The following CLIC5 variants were observed in gnomAD, a reference collection of about 807,000 sequenced individuals.
CLIC5 encodes chloride intracellular channel protein 5.
CLIC5 carries 20 observed loss-of-function variants against 24.7 expected under a neutral mutation model. The observed-to-expected ratio is 0.81, with a 90% CI of 0.57 to 1.18. The LOEUF is 1.18. Ranked by LOEUF, CLIC5 falls within the 50% of genes most tolerant of loss-of-function variation. The pLI is 0.00. For synonymous variants in CLIC5, 159 were observed against 135.6 expected, an observed-to-expected ratio of 1.17 and a Z score of -1.20; for missense variants, 341 against 326.1, an observed-to-expected ratio of 1.05 and a Z score of -0.35.
upstream of CLIC5, among the ~76,000 whole-genome samples, chr6:46,020,329 TG>T (rs2127449514): frequency 6.6e-6 from 1 of 152,238 alleles, no homozygotes; most frequent in South Asian, 2.1e-4. Context: ...AGAAATTCAT[TG>T]ATCAACAAGG....
At chr6:46,106,348 C>A in the CLIC5 span, among the ~76,000 whole-genome samples, 1 of 152,146 alleles carries the variant, frequency 6.6e-6, no homozygotes, top group South Asian at 2.1e-4. Flanking sequence ...CCTTGTGATC[C>A]ACCTGCCTCA....
chr6:45,979,626 C>T (rs1162806834), intron 1 of CLIC5, among the ~76,000 whole-genome samples: 1 of 151,330 alleles, frequency 6.6e-6, no homozygotes, highest in East Asian at 1.9e-4. Context: ...CATTTTAATG[C>T]CCTGGCCTCA....
chr6:46,069,177 C>CA (rs1037361424), intron 1 of CLIC5, among the ~76,000 whole-genome samples: 2 of 152,040 alleles, frequency 1.3e-5, no homozygotes, highest in African/African-American at 4.8e-5. Context: ...TGAGGAGTGA[C>CA]AAGTAATGAA....
chr6:46,073,958 G>C (rs941372923), intron 1 of CLIC5, among the ~76,000 whole-genome samples: 1 of 152,156 alleles, frequency 6.6e-6, no homozygotes, highest in Non-Finnish European at 1.5e-5. Context: ...TAAATGTGTT[G>C]CTTATGAAAG....
At chr6:45,948,288 C>A (rs531754956) in intron 3 of CLIC5, among the ~76,000 whole-genome samples, 1 of 152,220 alleles carries the variant, frequency 6.6e-6, no homozygotes, top group African/African-American at 2.4e-5. Context: ...TCCTACTCCT[C>A]TCCCCCGATT....
chr6:45,950,386 C>T (rs1276627033), intron 2 of CLIC5, among the ~76,000 whole-genome samples: 1 of 151,294 alleles, frequency 6.6e-6, no homozygotes, highest in Non-Finnish European at 1.5e-5. Context: ...CATAGCAAGA[C>T]CCCCATCTTT....
chr6:46,010,779 T>G (rs546131600), intron 1 of CLIC5, among the ~76,000 whole-genome samples: 1 of 152,338 alleles, frequency 6.6e-6, no homozygotes, highest in East Asian at 1.9e-4. Flanking sequence ...GAAGAAGCAC[T>G]CACTGCCATA....
At chr6:46,082,784 A>T (rs1762951080), upstream of CLIC5, among the ~76,000 whole-genome samples, 2 of 149,882 alleles carry the variant, frequency 1.3e-5, no homozygotes, top group Non-Finnish European at 1.5e-5. Flanking sequence ...TTCCATTACT[A>T]AAAACCCTTA....
chr6:45,972,462 TCA>T (rs1198992355), intron 1 of CLIC5, among the ~76,000 whole-genome samples: 1 of 152,186 alleles, frequency 6.6e-6, no homozygotes, highest in Non-Finnish European at 1.5e-5. Flanking sequence ...AGTTTATCTC[TCA>T]ATCAAGTCTC....
At chr6:46,125,494 G>A in the CLIC5 span, among the ~76,000 whole-genome samples, 1 of 152,136 alleles carries the variant, frequency 6.6e-6, no homozygotes, top group Non-Finnish European at 1.5e-5. Context: ...GTTAATGGGT[G>A]TAGCACACCA....
At chr6:46,024,728 T>A (rs188178325) in intron 1 of CLIC5, among the ~76,000 whole-genome samples, 3 of 152,304 alleles carry the variant, frequency 2.0e-5, no homozygotes, top group Admixed American at 1.3e-4. Flanking sequence ...TTAGTTAGAA[T>A]CTGTATAGAG....
At chr6:45,982,583 T>C (rs1049673339) in intron 1 of CLIC5, among the ~76,000 whole-genome samples, 2 of 152,166 alleles carry the variant, frequency 1.3e-5, no homozygotes, top group Admixed American at 6.5e-5. Context: ...CGTAGGCAAC[T>C]GTAACACAAG....
intron 1 of CLIC5, among the ~76,000 whole-genome samples, chr6:46,072,220 A>G: frequency 6.8e-6 from 1 of 147,224 alleles, no homozygotes; most frequent in East Asian, 2.0e-4. Context: ...CTGCTAATGT[A>G]CCCCTGAACT....
At chr6:45,982,698 T>C (rs1452487070) in intron 1 of CLIC5, among the ~76,000 whole-genome samples, 3 of 152,140 alleles carry the variant, frequency 2.0e-5, no homozygotes, top group Non-Finnish European at 4.4e-5. Context: ...GGCTGAAACG[T>C]TATTATGTGG....
At chr6:45,961,147 A>T (rs563417664) in intron 1 of CLIC5, among the ~76,000 whole-genome samples, 2 of 152,324 alleles carry the variant, frequency 1.3e-5, no homozygotes, top group Admixed American at 1.3e-4. Context: ...TCCTGGATGA[A>T]GTATTAGGAA....
chr6:46,095,148 G>A, the CLIC5 span, among the ~76,000 whole-genome samples: 1 of 152,092 alleles, frequency 6.6e-6, no homozygotes, highest in Non-Finnish European at 1.5e-5. Context: ...AGGGCAGTGG[G>A]GCCCTGGGCC....
At chr6:45,909,168 G>C (rs993439307) in intron 5 of CLIC5, among the ~76,000 whole-genome samples, 1 of 151,924 alleles carries the variant, frequency 6.6e-6, no homozygotes, top group African/African-American at 2.4e-5. Flanking sequence ...TGAGCCTATG[G>C]GTGTTGTTAC....
chr6:46,085,358 T>A, the CLIC5 span, among the ~76,000 whole-genome samples: 2 of 152,244 alleles, frequency 1.3e-5, no homozygotes, highest in Non-Finnish European at 2.9e-5. Context: ...CTCTGCTTTT[T>A]AGAGTTTCCA....
intron 1 of CLIC5, among the ~76,000 whole-genome samples, chr6:45,967,142 C>T (rs1257757616): frequency 2.0e-5 from 3 of 152,236 alleles, no homozygotes; most frequent in Non-Finnish European, 4.4e-5. Flanking sequence ...TTTGGGCTTT[C>T]TTGGCTGCGT....
Sources: gnomAD v4.1 joint callset for allele counts (sites outside exome capture counted in the v4.1 genomes callset) on GRCh38, gnomAD v4.1.1 for gene constraint, MANE v1.5 for transcripts, NCBI Gene and HGNC (gene_info 2026-07-23, HGNC 2026-07-21) for gene names.